KCNH5: variants seen among roughly 807,000 people sequenced by gnomAD.
KCNH5 encodes the protein voltage-gated delayed rectifier potassium channel KCNH5.
In KCNH5, 46 loss-of-function variants were observed where a neutral mutation model predicts 96.1. The ratio of observed to expected loss-of-function variants is 0.48; its 90% CI spans 0.38 to 0.61. The LOEUF is 0.61. Ranked by LOEUF, KCNH5 falls within the 20% of genes least tolerant of loss-of-function variation. The probability of loss-of-function intolerance (pLI) is 0.00; values close to 1 mark genes in which losing one functional copy is unlikely to be tolerated. For synonymous variants in KCNH5, 439 were observed against 449.8 expected (o/e 0.98, Z 0.30); for missense variants, 907 against 1,225.8 (o/e 0.74, Z 3.88).
At chr14:62,820,355 T>TTA (rs1887090182) in intron 8 of KCNH5, among the ~76,000 whole-genome samples, 1 of 151,774 alleles carries the variant, frequency 6.6e-6, no homozygotes, top group South Asian at 2.1e-4. Context: ...TATATACTTT[T>TTA]TTTTTTTTTG....
At chr14:62,810,420 G>A (rs1886849741) in intron 8 of KCNH5, among the ~76,000 whole-genome samples, 1 of 152,066 alleles carries the variant, frequency 6.6e-6, no homozygotes, top group African/African-American at 2.4e-5. Context: ...TCTTGAATAG[G>A]AGCTGGGTAA....
rs769410349 is a variant in KCNH5, at chr14:63,045,175, GC to G, written c.11del (p.Gly4AlafsTer37). 6.2e-7 allele frequency: 1 copy of G among 1,613,340 alleles called. No homozygotes were observed. On this transcript the variant is annotated frameshift_variant, in exon 1 of 11. Coordinates refer to ENST00000322893, the MANE Select transcript of KCNH5 (RefSeq NM_139318.5). LOFTEE classifies it high-confidence loss of function. ...TCTGCGGTGCCACCAGCCCTCTCTT[GC>G]CCCCCGGCATCCTGGGTCTGGAGAG... MPG[G>X]KRGLVAPQNT...
rs78539975 is a variant in KCNH5, at chr14:62,881,581, C to T, written c.1370-31729G>A. Among the ~76,000 whole-genome samples the T allele has an allele frequency of 2.7e-3, 416 of 152,118 alleles. 2 individuals are homozygous for T. The highest frequency in any genetic ancestry group is 9.5e-3 in the African/African-American group (396 of 41,508). ...ATCTATACAGCAAACCCCCAGGACA[C>T]GAGTTTACCTATATAAGAATGTCTC... is the stretch of plus-strand genomic sequence containing the variant. On this transcript the variant is annotated intron_variant, in intron 7 of 10. Transcript: ENST00000322893.
intron 6 of KCNH5, among the ~76,000 whole-genome samples, chr14:62,956,549 A>C (rs1890107727): frequency 7.8e-6 from 1 of 127,814 alleles, no homozygotes; most frequent in South Asian, 2.6e-4. Flanking sequence ...ATAGTCACTG[A>C]TGTGTTATTA....
Position 62,875,373 on chromosome 14 carries a change from C to T in KCNH5, c.1370-25521G>A, listed in dbSNP as rs544152562. On this transcript the variant is annotated intron_variant, in intron 7 of 10. Coordinates refer to ENST00000322893, the MANE Select transcript of KCNH5 (RefSeq NM_139318.5). ...GTTCATATGGAACCAAAAAAGAGCC[C>T]GCATCGCCAAGTCAATCCTAAGCCA... Among the ~76,000 whole-genome samples the T allele has an allele frequency of 3.6e-4, 54 of 152,090 alleles. 1 individual carries two copies. The highest frequency in any genetic ancestry group is 5.8e-4 in the East Asian group (3 of 5,152).
At chr14:62,906,707 C>T (rs1595678911) in intron 7 of KCNH5, among the ~76,000 whole-genome samples, 3 of 152,180 alleles carry the variant, frequency 2.0e-5, no homozygotes, top group South Asian at 4.1e-4. Flanking sequence ...GTTTACTCAC[C>T]ATCAATAGAA....
At chr14:63,044,892 G>A (rs555875839) in intron 1 of KCNH5, among the ~76,000 whole-genome samples, 2 of 152,284 alleles carry the variant, frequency 1.3e-5, no homozygotes, top group East Asian at 3.9e-4. Flanking sequence ...ACAGGTGGGA[G>A]GGGGTGAGTC....
At chr14:62,835,993 TACAGA>T (rs1887460250) in intron 8 of KCNH5, among the ~76,000 whole-genome samples, 1 of 152,060 alleles carries the variant, frequency 6.6e-6, no homozygotes, top group African/African-American at 2.4e-5. Flanking sequence ...GAATTTAGAT[TACAGA>T]ACAGGTCTTT....
At chr14:63,005,176 A>G (rs754037744) in intron 3 of KCNH5, among the ~76,000 whole-genome samples, 1 of 152,222 alleles carries the variant, frequency 6.6e-6, no homozygotes, top group Non-Finnish European at 1.5e-5. Flanking sequence ...ACATTTAGCT[A>G]TGACTTCAAA....
rs1317905313 is a variant in KCNH5, at chr14:62,705,524, G to C, written c.*1984C>G. The C allele has an allele frequency of 6.6e-6, 1 of 151,914 alleles. No homozygotes were observed. The highest frequency in any genetic ancestry group is 1.5e-5 in the Non-Finnish European group (1 of 67,842). 9.4% of individuals were successfully genotyped at this position (151,914 alleles called of 1,614,324 possible). ...ATTTCATTTTCTTGTGTTTGTGGTA[G>C]GTAGATATTGTAGCATTACATGGAG... On this transcript the variant is annotated 3_prime_UTR_variant, in exon 11 of 11. Coordinates refer to ENST00000322893, the MANE Select transcript of KCNH5 (RefSeq NM_139318.5).
chr14:62,742,281 TA>T (rs1470165678), intron 10 of KCNH5, among the ~76,000 whole-genome samples: 3 of 152,238 alleles, frequency 2.0e-5, no homozygotes, highest in African/African-American at 7.2e-5. Context: ...TTAACATAAT[TA>T]AATTTTAATA....
intron 9 of KCNH5, among the ~76,000 whole-genome samples, chr14:62,790,068 C>CT (rs35827048): frequency 0.39 from 58,452 of 148,038 alleles, 12,417 homozygotes; most frequent in South Asian, 0.68. Flanking sequence ...TTTGAGTTGA[C>CT]TTTTTTTTTT....
At chr14:63,039,065 A>C (rs1891775617) in intron 1 of KCNH5, among the ~76,000 whole-genome samples, 1 of 152,102 alleles carries the variant, frequency 6.6e-6, no homozygotes, top group Non-Finnish European at 1.5e-5. Context: ...TGTTTATCTG[A>C]TTCACAACAC....
chr14:62,910,941 A>ACACACACACACACCC (rs61033705), intron 7 of KCNH5, among the ~76,000 whole-genome samples: 4 of 140,784 alleles, frequency 2.8e-5, no homozygotes, highest in East Asian at 2.1e-4. Context: ...ACACACACAC[A>ACACACACACACACCC]CCCCTCTGTT....
rs1346985662 is a variant in KCNH5 at position 62,733,784 on chromosome 14, C to A, written c.2020-25329G>T. On this transcript the variant is annotated intron_variant, in intron 10 of 10. Transcript: ENST00000322893. ...CTCTTCCAGTAAATCTCTTGGCAAC[C>A]ATGATATCTTCTTGTGCTTCCTTTA... Among the ~76,000 whole-genome samples, 6 of 152,178 alleles carry A rather than the reference C, an allele frequency of 3.9e-5. No homozygotes were observed. The East Asian group carries it at 1.2e-3, about 29-fold the overall frequency.
intron 7 of KCNH5, among the ~76,000 whole-genome samples, chr14:62,899,016 A>T (rs967284302): frequency 6.6e-6 from 1 of 152,150 alleles, no homozygotes; most frequent in African/African-American, 2.4e-5. Context: ...AAAATTCACA[A>T]AAGTAATTGG....
chr14:63,021,387 TAC>T (rs1891424040), intron 1 of KCNH5, among the ~76,000 whole-genome samples: 1 of 152,182 alleles, frequency 6.6e-6, no homozygotes, highest in South Asian at 2.1e-4. Flanking sequence ...TCTATACTAT[TAC>T]AGTTAGGTCA....
At position 62,703,918 on chromosome 14, in the gene KCNH5, C is replaced by T. The variant is rs1276469171; in HGVS notation, c.*3590G>A. On this transcript the variant is annotated 3_prime_UTR_variant, in exon 11 of 11. Coordinates refer to ENST00000322893, the MANE Select transcript of KCNH5 (RefSeq NM_139318.5). The stretch of plus-strand genomic sequence containing the variant: ...ATAATTTCACAAATATCTGCCACTG[C>T]ACACTTCAAAACAGTCACTGCTCTG... 1 of 151,810 alleles carries T rather than the reference C, an allele frequency of 6.6e-6. No homozygotes were observed. Among genetic ancestry groups the T allele is most frequent in the Non-Finnish European group, 1.5e-5 (1 of 67,776 alleles). The allele number at this position is 151,810 out of a possible 1,614,324, so 9.4% of individuals were successfully genotyped here. A position where few individuals can be genotyped will look rare whatever the true frequency, so the allele number is the denominator to read the frequency against.
intron 8 of KCNH5, among the ~76,000 whole-genome samples, chr14:62,843,772 T>TGA (rs1211819564): frequency 1.3e-5 from 2 of 152,182 alleles, no homozygotes; most frequent in Non-Finnish European, 2.9e-5. Context: ...CTAGTGCCTT[T>TGA]GGTCTTGGCT....
Sources: gnomAD v4.1 joint callset for allele counts (sites outside exome capture counted in the v4.1 genomes callset) on GRCh38, gnomAD v4.1.1 for gene constraint, MANE v1.5 for transcripts, NCBI Gene and HGNC (gene_info 2026-07-23, HGNC 2026-07-21) for gene names.